The following TRAPPC9 variants were observed in gnomAD, a reference collection of about 807,000 sequenced individuals.
The protein encoded by TRAPPC9 is IKK2 binding protein.
A neutral mutation model predicts 124.0 loss-of-function variants in TRAPPC9; 83 were observed. The ratio of observed to expected loss-of-function variants is 0.67; its 90% CI spans 0.56 to 0.80. The LOEUF is 0.80. Among genes scored for constraint, TRAPPC9 ranks in the 30% least tolerant of loss-of-function variants. The probability of loss-of-function intolerance (pLI) is 0.00; values close to 1 mark genes in which losing one functional copy is unlikely to be tolerated. For synonymous variants in TRAPPC9, 638 were observed against 617.5 expected, an observed-to-expected ratio of 1.03 and a Z score of -0.49; for missense variants, 1,302 against 1,508.3, an observed-to-expected ratio of 0.86 and a Z score of 2.27.
intron 17 of TRAPPC9, among the ~76,000 whole-genome samples, chr8:140,042,363 G>A (rs1483719722): frequency 6.6e-6 from 1 of 152,168 alleles, no homozygotes; most frequent in Non-Finnish European, 1.5e-5. Context: ...AACAAATCAA[G>A]TCTTCCAGAG....
At chr8:140,266,721 G>A (rs952205498) in intron 15 of TRAPPC9, among the ~76,000 whole-genome samples, 10 of 150,846 alleles carry the variant, frequency 6.6e-5, no homozygotes, top group South Asian at 6.3e-4. Flanking sequence ...TTAGCCGGGC[G>A]TGGTGGTGGG....
chr8:139,830,535 T>C (rs778702005), intron 21 of TRAPPC9, among the ~76,000 whole-genome samples: 1 of 150,028 alleles, frequency 6.7e-6, no homozygotes, highest in African/African-American at 2.5e-5. Flanking sequence ...TATACACACA[T>C]GCACACACAA....
At chr8:140,160,831 CT>C (rs905801621) in intron 17 of TRAPPC9, among the ~76,000 whole-genome samples, 7 of 144,128 alleles carry the variant, frequency 4.9e-5, no homozygotes, top group African/African-American at 1.2e-4. Context: ...TTGAAGATTC[CT>C]GAAAAAAAAA....
At chr8:140,196,997 G>A (rs1310883708) in intron 17 of TRAPPC9, among the ~76,000 whole-genome samples, 2 of 152,188 alleles carry the variant, frequency 1.3e-5, no homozygotes, top group Non-Finnish European at 2.9e-5. Context: ...TATCCACAGC[G>A]CATAGCAATT....
At chr8:140,202,163 TAAA>T (rs397698897) in intron 17 of TRAPPC9, among the ~76,000 whole-genome samples, 3 of 135,844 alleles carry the variant, frequency 2.2e-5, no homozygotes, top group Admixed American at 7.2e-5. Context: ...CTTCTGTAAT[TAAA>T]AAAAAAAAAA....
At chr8:139,997,454 G>C (rs962040997) in intron 18 of TRAPPC9, among the ~76,000 whole-genome samples, 1 of 148,668 alleles carries the variant, frequency 6.7e-6, no homozygotes, top group African/African-American at 2.5e-5. Flanking sequence ...CCACACAGAG[G>C]AGACAATATA....
At chr8:139,834,316 T>C (rs969107533) in intron 21 of TRAPPC9, among the ~76,000 whole-genome samples, 7 of 152,178 alleles carry the variant, frequency 4.6e-5, no homozygotes, top group Admixed American at 4.6e-4. Flanking sequence ...CGCAACTCCA[T>C]AGCTGCAAAT....
chr8:140,321,654 C>T (rs1306450882), intron 9 of TRAPPC9, among the ~76,000 whole-genome samples: 1 of 152,166 alleles, frequency 6.6e-6, no homozygotes, highest in Non-Finnish European at 1.5e-5. Flanking sequence ...GAGAAAAGGG[C>T]TGAACTTGGA....
Position 140,278,084 on chromosome 8 carries a change from C to G in TRAPPC9, c.2115-2263G>C, listed in dbSNP as rs922111709. 4.0e-5 allele frequency among the ~76,000 whole-genome samples: 6 copies of G among 151,012 alleles called. No homozygotes were observed. The East Asian group carries it at 9.7e-4, about 24-fold the overall frequency. On this transcript the variant is annotated intron_variant, in intron 14 of 22. Coordinates refer to ENST00000438773, the MANE Select transcript of TRAPPC9 (RefSeq NM_001160372.4). ...TGCCCTCCCCACCCCTGCACTGGAC[C>G]AAAAGTTTTTTCAAGACAGGGACAA...
At chr8:140,280,199 T>C (rs2065264882) in intron 14 of TRAPPC9, among the ~76,000 whole-genome samples, 1 of 152,098 alleles carries the variant, frequency 6.6e-6, no homozygotes, top group South Asian at 2.1e-4. Flanking sequence ...GAGCTGGGAG[T>C]CTGAGCGTCT....
chr8:140,424,450 CAG>C (rs1202515377), intron 5 of TRAPPC9, among the ~76,000 whole-genome samples: 2 of 151,460 alleles, frequency 1.3e-5, no homozygotes, highest in Non-Finnish European at 2.9e-5. Flanking sequence ...TGGGTCAACA[CAG>C]AGAGAGACTC....
intron 7 of TRAPPC9, among the ~76,000 whole-genome samples, chr8:140,390,029 C>T (rs756883175): frequency 7.2e-5 from 11 of 152,138 alleles, no homozygotes; most frequent in Non-Finnish European, 1.5e-4. Flanking sequence ...GAAGGCCAGG[C>T]GTGGTGGCTC....
chr8:139,857,703 C>A (rs1401731448), intron 21 of TRAPPC9, among the ~76,000 whole-genome samples: 1 of 152,218 alleles, frequency 6.6e-6, no homozygotes, highest in Non-Finnish European at 1.5e-5. Flanking sequence ...CGGCCCGCTG[C>A]TTGTAAAGCA....
At chr8:140,133,262 T>A (rs73361156) in intron 17 of TRAPPC9, among the ~76,000 whole-genome samples, 3,565 of 152,312 alleles carry the variant, frequency 0.023, 39 homozygotes, top group South Asian at 0.033. Flanking sequence ...CAACATTTTT[T>A]AAAAATCAAT....
At chr8:140,008,470 G>C (rs1205019032) in intron 18 of TRAPPC9, 2 of 152,278 alleles carry the variant, frequency 1.3e-5, no homozygotes, top group Admixed American at 1.3e-4. Context: ...CCCTTACCTT[G>C]CCCTGGAATA....
intron 16 of TRAPPC9, among the ~76,000 whole-genome samples, chr8:140,221,977 T>G (rs973045454): frequency 2.6e-5 from 4 of 152,224 alleles, no homozygotes; most frequent in African/African-American, 9.6e-5. Context: ...GTGTCCTCCA[T>G]AAGCACATAT....
At chr8:140,380,092 T>C (rs1227723495) in intron 7 of TRAPPC9, among the ~76,000 whole-genome samples, 5 of 152,160 alleles carry the variant, frequency 3.3e-5, no homozygotes, top group African/African-American at 1.2e-4. Flanking sequence ...GACAAGCTTA[T>C]GCCAAAATTC....
rs1449037464 is a variant in TRAPPC9 at position 140,104,989 on chromosome 8, G to T, written c.2557-80910C>A. Reference sequence around the variant, plus strand: ...CCCACTCAGCAGCAGCCCTGACTGCGTGGCTCCTGGGACAGCCCAAACGTA... The same window carrying T: ...CCCACTCAGCAGCAGCCCTGACTGCTTGGCTCCTGGGACAGCCCAAACGTA... On this transcript the variant is annotated intron_variant, in intron 17 of 22. Transcript: ENST00000438773. The surrounding 1 kb of genome is among the most constrained non-coding windows in gnomAD (Gnocchi z 4.0). Among the ~76,000 whole-genome samples, 1 of 152,038 alleles carries T rather than the reference G, an allele frequency of 6.6e-6. No homozygotes were observed. The highest frequency in any genetic ancestry group is 2.4e-5 in the African/African-American group (1 of 41,310).
intron 9 of TRAPPC9, among the ~76,000 whole-genome samples, chr8:140,339,536 C>T (rs1376478717): frequency 1.3e-5 from 2 of 152,166 alleles, no homozygotes; most frequent in African/African-American, 2.4e-5. Context: ...GAAGTTCACA[C>T]GTGGAAAGGC....
Sources: gnomAD v4.1 joint callset for allele counts (sites outside exome capture counted in the v4.1 genomes callset) on GRCh38, gnomAD v4.1.1 for gene constraint, Gnocchi (gnomAD v3.1) non-coding constraint, MANE v1.5 for transcripts, NCBI Gene and HGNC (gene_info 2026-07-23, HGNC 2026-07-21) for gene names.